Variants in NTM observed in about 807,000 individuals in gnomAD.
NTM encodes the protein neurotrimin.
A neutral mutation model predicts 42.1 loss-of-function variants in NTM; 13 were observed. That is an observed-to-expected ratio of 0.31 (90% CI 0.20 to 0.49). NTM has a LOEUF of 0.49. Among genes scored for constraint, NTM ranks in the 20% least tolerant of loss-of-function variants. NTM has a pLI of 0.99. For missense variants in NTM, 373 were observed against 452.8 expected, an observed-to-expected ratio of 0.82 and a Z score of 1.60; for synonymous variants, 187 against 179.2, an observed-to-expected ratio of 1.04 and a Z score of -0.35.
chr11:132,136,523 G>A (rs1337683911), intron 2 of NTM, among the ~76,000 whole-genome samples: 1 of 152,092 alleles, frequency 6.6e-6, no homozygotes, highest in East Asian at 1.9e-4. Context: ...CTTCTTTCCA[G>A]CCACTCCCTC....
intron 1 of NTM, among the ~76,000 whole-genome samples, chr11:131,575,144 T>TG (rs2057807921): frequency 6.6e-6 from 1 of 152,206 alleles, no homozygotes; most frequent in Admixed American, 6.5e-5. Flanking sequence ...AGGAAATTGC[T>TG]GGATACCTAC....
At chr11:132,150,887 C>G (rs2071746898) in intron 3 of NTM, among the ~76,000 whole-genome samples, 1 of 152,166 alleles carries the variant, frequency 6.6e-6, no homozygotes, top group South Asian at 2.1e-4. Flanking sequence ...GGAATGAGTT[C>G]AGATACCTGG....
chr11:131,678,605 A>G (rs148922120), intron 1 of NTM, among the ~76,000 whole-genome samples: 7 of 152,366 alleles, frequency 4.6e-5, no homozygotes, highest in Admixed American at 2.0e-4. Flanking sequence ...CTACTGCCCA[A>G]TGCTGCTACA....
At chr11:131,469,672 C>T (rs1283447911) in intron 1 of NTM, among the ~76,000 whole-genome samples, 1 of 152,094 alleles carries the variant, frequency 6.6e-6, no homozygotes, top group Non-Finnish European at 1.5e-5. Flanking sequence ...GGGGCTAAAC[C>T]CATGTACTAC....
chr11:132,258,653 G>A (rs2092656062), intron 4 of NTM, among the ~76,000 whole-genome samples: 1 of 152,180 alleles, frequency 6.6e-6, no homozygotes, highest in Admixed American at 6.5e-5. Context: ...CCACAAAAGA[G>A]AAAGCGGACA....
chr11:131,758,027 C>A (rs867603895), intron 1 of NTM, among the ~76,000 whole-genome samples: 2 of 152,138 alleles, frequency 1.3e-5, no homozygotes, highest in Non-Finnish European at 1.5e-5. Flanking sequence ...GAGCATATTT[C>A]GAAGAATCTC....
intron 2 of NTM, among the ~76,000 whole-genome samples, chr11:131,935,711 A>G (rs1182607339): frequency 6.6e-6 from 1 of 152,184 alleles, no homozygotes; most frequent in Admixed American, 6.5e-5. Context: ...TTCCTCATCC[A>G]TAGAATGATA....
At chr11:131,774,760 A>G (rs896520484) in intron 1 of NTM, among the ~76,000 whole-genome samples, 24 of 152,196 alleles carry the variant, frequency 1.6e-4, no homozygotes, top group Non-Finnish European at 3.5e-4. Flanking sequence ...AGCATTCAAT[A>G]TAAGAGTATC....
intron 1 of NTM, among the ~76,000 whole-genome samples, chr11:131,683,860 G>A (rs2073401283): frequency 6.6e-6 from 1 of 152,118 alleles, no homozygotes; most frequent in African/African-American, 2.4e-5. Flanking sequence ...TTCTCCCCGG[G>A]GTCTTCCCAG....
intron 1 of NTM, among the ~76,000 whole-genome samples, chr11:131,758,722 A>G (rs979640727): frequency 6.6e-6 from 1 of 151,948 alleles, no homozygotes; most frequent in Non-Finnish European, 1.5e-5. Flanking sequence ...CCTCCCGAGT[A>G]GCTGGGATTA....
At chr11:131,841,943 A>G (rs957473861) in intron 1 of NTM, among the ~76,000 whole-genome samples, 2 of 152,250 alleles carry the variant, frequency 1.3e-5, no homozygotes, top group Non-Finnish European at 2.9e-5. Context: ...CCCAACAGCC[A>G]TTAGGCAGGA....
chr11:131,486,868 G>A (rs562585576), intron 1 of NTM, among the ~76,000 whole-genome samples: 5 of 152,222 alleles, frequency 3.3e-5, no homozygotes, highest in South Asian at 2.1e-4. Context: ...GGAAGCAGAC[G>A]AATAGCGGGA....
At chr11:131,490,596 A>G (rs1200448712) in intron 1 of NTM, among the ~76,000 whole-genome samples, 3 of 152,086 alleles carry the variant, frequency 2.0e-5, no homozygotes, top group Non-Finnish European at 2.9e-5. Flanking sequence ...ATGTTTTGGG[A>G]TGGTCTAGTG....
At chr11:131,616,812 T>TGTGTGTGTGTGTG (rs71067325) in intron 1 of NTM, among the ~76,000 whole-genome samples, 2 of 143,246 alleles carry the variant, frequency 1.4e-5, no homozygotes, top group African/African-American at 5.2e-5. Flanking sequence ...TGTGTGTGTG[T>TGTGTGTGTGTGTG]TGTTTGGTTT....
At chr11:132,127,976 A>T (rs557716255) in intron 2 of NTM, among the ~76,000 whole-genome samples, 1 of 152,274 alleles carries the variant, frequency 6.6e-6, no homozygotes, top group African/African-American at 2.4e-5. Flanking sequence ...TCTCTGAAAG[A>T]TTTACACTTT....
At chr11:131,542,855 G>A (rs189192681) in intron 1 of NTM, among the ~76,000 whole-genome samples, 2 of 152,254 alleles carry the variant, frequency 1.3e-5, no homozygotes, top group Admixed American at 6.5e-5. Context: ...CGTGAGAGTC[G>A]GTGCTAATTT....
chr11:131,772,859 T>C (rs753376363), intron 1 of NTM, among the ~76,000 whole-genome samples: 8 of 152,248 alleles, frequency 5.3e-5, no homozygotes, highest in Non-Finnish European at 1.2e-4. Context: ...CAGGTCATTC[T>C]ATCTGAGAAG....
At chr11:131,855,953 C>T (rs956907119) in intron 1 of NTM, among the ~76,000 whole-genome samples, 1 of 152,162 alleles carries the variant, frequency 6.6e-6, no homozygotes, top group Non-Finnish European at 1.5e-5. Context: ...TTTAAAATGG[C>T]CTACCCTGTT....
chr11:131,811,852 G>T (rs1479064073), intron 1 of NTM, among the ~76,000 whole-genome samples: 1 of 152,200 alleles, frequency 6.6e-6, no homozygotes, highest in Non-Finnish European at 1.5e-5. Flanking sequence ...TCTGGAATTT[G>T]CAATGGCCTC....
Sources: allele counts gnomAD v4.1 joint callset (sites outside exome capture counted in the v4.1 genomes callset), GRCh38; gene constraint gnomAD v4.1.1; transcripts MANE v1.5; gene names NCBI Gene and HGNC (gene_info 2026-07-23, HGNC 2026-07-21).